The following PRKACB variants were observed in gnomAD, a reference collection of about 807,000 sequenced individuals.
The protein encoded by PRKACB is cAMP-dependent protein kinase catalytic subunit beta.
Under a neutral mutation model 51.4 loss-of-function variants are expected in PRKACB, and 16 were observed. The observed-to-expected ratio is 0.31, with a 90% CI of 0.21 to 0.47. The LOEUF (loss-of-function observed/expected upper bound fraction) is 0.47, where lower values mean the gene tolerates loss of function less well. PRKACB is among the 20% of genes least tolerant of loss of function. The pLI, the probability that PRKACB is intolerant of heterozygous loss-of-function variation, is 1.00. For missense variants in PRKACB, 309 were observed against 464.5 expected, an observed-to-expected ratio of 0.67 and a Z score of 3.08; for synonymous variants, 147 against 154.4, an observed-to-expected ratio of 0.95 and a Z score of 0.35.
intron 8 of PRKACB, among the ~76,000 whole-genome samples, chr1:84,211,716 G>A (rs1176213222): frequency 6.6e-6 from 1 of 151,986 alleles, no homozygotes; most frequent in Admixed American, 6.6e-5. Context: ...GTAATCTTAG[G>A]CAAAATAATT....
intron 9 of PRKACB, among the ~76,000 whole-genome samples, chr1:84,232,411 G>A (rs1447337946): frequency 6.6e-6 from 1 of 152,224 alleles, no homozygotes; most frequent in Non-Finnish European, 1.5e-5. Context: ...ATTTGGGGTA[G>A]AGAGTTCTGT....
At chr1:84,223,568 A>G (rs967610875) in intron 9 of PRKACB, among the ~76,000 whole-genome samples, 26 of 151,808 alleles carry the variant, frequency 1.7e-4, no homozygotes, top group African/African-American at 5.8e-4. Flanking sequence ...ACAGGGTTTC[A>G]CCATGTTAGC....
chr1:84,212,862 A>G lies in PRKACB; in HGVS notation c.907-1291A>G, dbSNP rs190513184. ...TTGAAATAGTCTAATAAATACTGAG[A>G]ATAAAAATGGCACAATACCTTCCCT... On this transcript the variant is annotated intron_variant, in intron 8 of 9. Transcript: ENST00000370685. 2.6e-5 allele frequency among the ~76,000 whole-genome samples: 4 copies of G among 152,316 alleles called. No individual in the cohort carries two copies. The East Asian group carries it at 7.7e-4, about 29-fold the overall frequency.
At chr1:84,181,637 A>G in intron 2 of PRKACB, 2 of 1,399,254 alleles carry the variant, frequency 1.4e-6, no homozygotes, top group Non-Finnish European at 1.9e-6. Flanking sequence ...TAATATAAAG[A>G]GAGAAAGCCA....
intron 1 of PRKACB, among the ~76,000 whole-genome samples, chr1:84,130,376 A>G (rs1652065969): frequency 6.6e-6 from 1 of 152,088 alleles, no homozygotes; most frequent in Non-Finnish European, 1.5e-5. Context: ...AGCAACAATG[A>G]CCAAACAAGT....
At chr1:84,111,793 C>A in intron 1 of PRKACB, among the ~76,000 whole-genome samples, 1 of 151,784 alleles carries the variant, frequency 6.6e-6, no homozygotes, top group Non-Finnish European at 1.5e-5. Context: ...AGGTTAAAGG[C>A]AGAGTAAAAG....
chr1:84,224,564 G>A (rs1465304851), intron 9 of PRKACB, among the ~76,000 whole-genome samples: 1 of 152,192 alleles, frequency 6.6e-6, no homozygotes, highest in African/African-American at 2.4e-5. Flanking sequence ...GCCAGTAGTG[G>A]GTGGGGCAGG....
chr1:84,221,392 A>G (rs1301544794), intron 9 of PRKACB, among the ~76,000 whole-genome samples: 1 of 151,360 alleles, frequency 6.6e-6, no homozygotes, highest in Non-Finnish European at 1.5e-5. Context: ...TTTAAAAAAA[A>G]AACCTTTCAT....
At chr1:84,170,199 T>A (rs1053192626) in intron 1 of PRKACB, among the ~76,000 whole-genome samples, 1 of 151,660 alleles carries the variant, frequency 6.6e-6, no homozygotes, top group African/African-American at 2.4e-5. Context: ...TAAAATGGCC[T>A]AACAGAGATG....
At chr1:84,097,118 A>G (rs1648978551) in intron 1 of PRKACB, among the ~76,000 whole-genome samples, 1 of 151,988 alleles carries the variant, frequency 6.6e-6, no homozygotes, top group Non-Finnish European at 1.5e-5. Flanking sequence ...TGAATACACA[A>G]TTTATTTTTT....
chr1:84,205,942 C>T (rs1553184574), intron 8 of PRKACB, among the ~76,000 whole-genome samples: 1 of 152,092 alleles, frequency 6.6e-6, no homozygotes, highest in Non-Finnish European at 1.5e-5. Flanking sequence ...AATACATATG[C>T]TGAGTTTCTG....
intron 1 of PRKACB, among the ~76,000 whole-genome samples, chr1:84,149,951 A>G (rs909968619): frequency 2.0e-5 from 3 of 152,096 alleles, no homozygotes; most frequent in African/African-American, 7.2e-5. Flanking sequence ...TATAGCTACT[A>G]TCCTTAATGA....
chr1:84,094,102 C>T (rs1379450827), intron 1 of PRKACB, among the ~76,000 whole-genome samples: 2 of 151,786 alleles, frequency 1.3e-5, no homozygotes, highest in African/African-American at 4.8e-5. Flanking sequence ...TGCCTTATTG[C>T]ACTGATTAGG....
At chr1:84,109,825 C>A (rs983465972) in intron 1 of PRKACB, among the ~76,000 whole-genome samples, 1 of 151,778 alleles carries the variant, frequency 6.6e-6, no homozygotes, top group Non-Finnish European at 1.5e-5. Context: ...ATTTTATGCT[C>A]ATATTTCTAT....
At chr1:84,215,231 A>G (rs913373610) in intron 9 of PRKACB, among the ~76,000 whole-genome samples, 2 of 152,182 alleles carry the variant, frequency 1.3e-5, no homozygotes, top group Admixed American at 6.5e-5. Flanking sequence ...ACAATTATTT[A>G]TTCACGTAAG....
chr1:84,228,807 T>C (rs1354676604), intron 9 of PRKACB, among the ~76,000 whole-genome samples: 2 of 152,128 alleles, frequency 1.3e-5, no homozygotes, highest in Non-Finnish European at 2.9e-5. Flanking sequence ...GAGAAAAGAA[T>C]TTTTACAAGA....
chr1:84,225,686 G>A (rs183593845), intron 9 of PRKACB, among the ~76,000 whole-genome samples: 2 of 152,218 alleles, frequency 1.3e-5, no homozygotes, highest in Non-Finnish European at 2.9e-5. Context: ...CTCCAGGCAG[G>A]TCCCTATACT....
intron 1 of PRKACB, among the ~76,000 whole-genome samples, chr1:84,120,748 C>G (rs1165730463): frequency 6.6e-6 from 1 of 151,874 alleles, no homozygotes; most frequent in Non-Finnish European, 1.5e-5. Context: ...AATTGCTGTA[C>G]ATTTTTCTTT....
chr1:84,214,097 A>G, intron 8 of PRKACB, 56 bp from the exon 9 acceptor site: 1 of 1,450,590 alleles, frequency 6.9e-7, no homozygotes, highest in Non-Finnish European at 9.1e-7. Context: ...TGAAATCAAA[A>G]CAGAAATATC....
Sources: allele counts gnomAD v4.1 joint callset (sites outside exome capture counted in the v4.1 genomes callset), GRCh38; gene constraint gnomAD v4.1.1; transcripts MANE v1.5; gene names NCBI Gene and HGNC (gene_info 2026-07-23, HGNC 2026-07-21).